Variants in ANO4 observed in about 807,000 individuals in gnomAD.
ANO4 encodes anoctamin-4.
ANO4 carries 69 observed loss-of-function variants against 141.9 expected under a neutral mutation model. That is an observed-to-expected ratio of 0.49 (90% CI 0.40 to 0.59). The LOEUF (loss-of-function observed/expected upper bound fraction) is 0.59, where lower values mean the gene tolerates loss of function less well. Ranked by LOEUF, ANO4 falls within the 20% of genes least tolerant of loss-of-function variation. The probability of loss-of-function intolerance (pLI) is 0.00; values close to 1 mark genes in which losing one functional copy is unlikely to be tolerated. For missense variants in ANO4, 894 were observed against 1,162.2 expected (o/e 0.77, Z 3.36); for synonymous variants, 350 against 394.3 (o/e 0.89, Z 1.33).
At chr12:101,067,782 A>T (rs1363357719) in intron 14 of ANO4, among the ~76,000 whole-genome samples, 7 of 152,244 alleles carry the variant, frequency 4.6e-5, no homozygotes. Context: ...GGAGATTTCC[A>T]TGCATTTTGT....
intron 3 of ANO4, among the ~76,000 whole-genome samples, chr12:100,931,969 A>G (rs1295366331): frequency 6.6e-6 from 1 of 150,960 alleles, no homozygotes; most frequent in Non-Finnish European, 1.5e-5. Context: ...TTTGCATTCT[A>G]AAATATTCCC....
At chr12:100,730,097 C>T (rs2031320418) in intron 1 of ANO4, among the ~76,000 whole-genome samples, 3 of 152,126 alleles carry the variant, frequency 2.0e-5, no homozygotes, top group Non-Finnish European at 2.9e-5. Context: ...CTATGAAAGT[C>T]TTCTTCCTTC....
chr12:101,070,595 A>G (rs1346378888), intron 14 of ANO4, among the ~76,000 whole-genome samples: 2 of 152,190 alleles, frequency 1.3e-5, no homozygotes, highest in Non-Finnish European at 2.9e-5. Context: ...TCTCCAAGAC[A>G]TGAGACTGGG....
intron 6 of ANO4, 120 bp from the exon 7 acceptor site, chr12:100,974,725 T>A: frequency 9.1e-7 from 1 of 1,102,464 alleles, no homozygotes; most frequent in Admixed American, 1.7e-5. Flanking sequence ...TCTTTTTAGT[T>A]TTTTCTTCTT....
chr12:100,883,469 T>C (rs1177188677), intron 1 of ANO4, among the ~76,000 whole-genome samples: 1 of 152,244 alleles, frequency 6.6e-6, no homozygotes, highest in African/African-American at 2.4e-5. Flanking sequence ...CCAGAAGCCA[T>C]TGCTTACTGA....
chr12:100,826,940 G>T (rs1194272608), intron 1 of ANO4, among the ~76,000 whole-genome samples: 1 of 151,814 alleles, frequency 6.6e-6, no homozygotes, highest in Admixed American at 6.6e-5. Context: ...CCTCACTGTG[G>T]CCATCCTTGT....
At chr12:100,967,362 C>T (rs1000889384) in intron 5 of ANO4, among the ~76,000 whole-genome samples, 1 of 152,036 alleles carries the variant, frequency 6.6e-6, no homozygotes, top group Non-Finnish European at 1.5e-5. Context: ...TATCTAGAAA[C>T]AGCGGTGTAA....
At chr12:100,800,546 A>G (rs2034619564) in intron 1 of ANO4, among the ~76,000 whole-genome samples, 1 of 152,256 alleles carries the variant, frequency 6.6e-6, no homozygotes, top group Non-Finnish European at 1.5e-5. Context: ...GGTGACATAT[A>G]TCTTCCAATT....
intron 1 of ANO4, among the ~76,000 whole-genome samples, chr12:100,900,504 A>T (rs1373279471): frequency 1.6e-5 from 2 of 123,714 alleles, no homozygotes; most frequent in African/African-American, 3.2e-5. Context: ...TCCTGTGTCC[A>T]AGTGTTCTCA....
chr12:100,812,228 T>C (rs1705953281), intron 1 of ANO4, among the ~76,000 whole-genome samples: 1 of 152,200 alleles, frequency 6.6e-6, no homozygotes, highest in East Asian at 1.9e-4. Flanking sequence ...TTGTTATTGC[T>C]TTGTTGTTGT....
At chr12:101,103,563 AAACT>A (rs1216837985) in intron 22 of ANO4, among the ~76,000 whole-genome samples, 2 of 151,786 alleles carry the variant, frequency 1.3e-5, no homozygotes. Flanking sequence ...AAAAGTTGTT[AAACT>A]AACCTAGCAA....
At chr12:100,996,125 G>A (rs1314249133) in intron 8 of ANO4, among the ~76,000 whole-genome samples, 2 of 152,136 alleles carry the variant, frequency 1.3e-5, no homozygotes, top group Non-Finnish European at 2.9e-5. Context: ...ATTAAATTCT[G>A]TTATCAGGAT....
chr12:100,988,203 G>A (rs2044812529), intron 8 of ANO4, among the ~76,000 whole-genome samples: 1 of 152,134 alleles, frequency 6.6e-6, no homozygotes, highest in Admixed American at 6.5e-5. Context: ...GTCTCAGAAT[G>A]GTTATTTGTC....
At chr12:100,853,475 A>C (rs1362427411) in intron 1 of ANO4, among the ~76,000 whole-genome samples, 1 of 152,094 alleles carries the variant, frequency 6.6e-6, no homozygotes, top group Non-Finnish European at 1.5e-5. Flanking sequence ...CCTTTGCCCT[A>C]ATTTGAATGT....
At chr12:101,121,147 T>G (rs1015521735) in intron 26 of ANO4, among the ~76,000 whole-genome samples, 2 of 152,140 alleles carry the variant, frequency 1.3e-5, no homozygotes, top group Non-Finnish European at 2.9e-5. Flanking sequence ...GATGTTGAGG[T>G]TTGGGGTGCG....
At position 101,087,708 on chromosome 12, in the gene ANO4, A is replaced by C. The variant is rs73379479; in HGVS notation, c.1701+884A>C. ...CTGCCTGCTTGACCATCTCCACCTA[A>C]CACTTTCAAACCCAACTCCTCATCT... On this transcript the variant is annotated intron_variant, in intron 17 of 27. Transcript: ENST00000392977. 5.0e-3 allele frequency among the ~76,000 whole-genome samples: 756 copies of C among 152,090 alleles called. 9 individuals are homozygous for C. Among genetic ancestry groups the C allele is most frequent in the African/African-American group, 0.018 (729 of 41,482 alleles).
chr12:100,723,985 C>A (rs1399253690), intron 1 of ANO4, among the ~76,000 whole-genome samples: 3 of 151,544 alleles, frequency 2.0e-5, no homozygotes, highest in Non-Finnish European at 4.4e-5. Context: ...GTGTGTCAGG[C>A]ACTGTTGTAG....
intron 4 of ANO4, 152 bp downstream of exon 4, chr12:100,939,603 A>G (rs904718304): frequency 4.9e-6 from 4 of 815,036 alleles, no homozygotes; most frequent in African/African-American, 3.4e-5. Flanking sequence ...GACATCCCCC[A>G]TGTCTAAGCA....
At chr12:100,878,148 A>G (rs1474392544) in intron 1 of ANO4, among the ~76,000 whole-genome samples, 2 of 152,176 alleles carry the variant, frequency 1.3e-5, no homozygotes, top group African/African-American at 4.8e-5. Context: ...AAAAAGTATC[A>G]CTGAGTTTGA....
Sources: allele counts gnomAD v4.1 joint callset (sites outside exome capture counted in the v4.1 genomes callset), GRCh38; gene constraint gnomAD v4.1.1; transcripts MANE v1.5; gene names NCBI Gene and HGNC (gene_info 2026-07-23, HGNC 2026-07-21).